MYH1: variants seen among roughly 807,000 people sequenced by gnomAD.
The protein encoded by MYH1 is myosin-1.
In MYH1, 214 loss-of-function variants were observed where a neutral mutation model predicts 225.6. That is an observed-to-expected ratio of 0.95 (90% CI 0.85 to 1.06). The LOEUF is 1.06. Among genes scored for constraint, MYH1 ranks in the 50% least tolerant of loss-of-function variants. MYH1 has a pLI of 0.00. For missense variants in MYH1, 2,098 were observed against 2,344.2 expected (o/e 0.89, Z 2.17); for synonymous variants, 774 against 842.3 (o/e 0.92, Z 1.40).
chr17:10,498,161 C>G (rs2073015659), intron 30 of MYH1, among the ~76,000 whole-genome samples: 1 of 152,222 alleles, frequency 6.6e-6, no homozygotes, highest in Non-Finnish European at 1.5e-5. Context: ...CAAGCATGAG[C>G]TAACACTTTA....
Position 10,503,298 on chromosome 17 carries a change from T to C in MYH1, c.2692-50A>G, listed in dbSNP as rs773716317. The C allele has an allele frequency of 6.3e-6, 10 of 1,587,196 alleles. No individual in the cohort carries two copies. In the East Asian group the frequency reaches 2.0e-4, roughly 32 times the overall value. ...AGATTTTATGAAAATTCCTAGACAT[T>C]TTCAGATTTTATTAATATTTTGAAA... On this transcript the variant is annotated intron_variant, in intron 22 of 39. Transcript: ENST00000226207.
chr17:10,508,509 T>C lies in MYH1; in HGVS notation c.1751A>G (p.His584Arg), dbSNP rs1227247563. 6.2e-7 allele frequency: 1 copy of C among 1,614,152 alleles called. No individual in the cohort carries two copies. Among genetic ancestry groups the C allele is most frequent in the Admixed American group, 1.7e-5 (1 of 60,014 alleles). Reference sequence around the variant, plus strand: ...GTTGTAGTCCACGGTGCCAGCATAGTGAATCAAAGAGAAGTGGGCCTCAGG... The same window carrying C: ...GTTGTAGTCCACGGTGCCAGCATAGCGAATCAAAGAGAAGTGGGCCTCAGG... ...GKPEAHFSLI[H>R]YAGTVDYNIA... is the part of the protein sequence containing the mutation. Residue 584 changes from histidine (H) to arginine (R), a missense_variant, in exon 16 of 40, where the codon CAC (histidine) becomes CGC (arginine). Transcript: ENST00000226207.
chr17:10,508,150 C>T (rs914651282), intron 16 of MYH1, among the ~76,000 whole-genome samples, 194 bp from the exon 17 acceptor site: 1 of 151,854 alleles, frequency 6.6e-6, no homozygotes, highest in African/African-American at 2.4e-5. Context: ...TCCCGAGTAG[C>T]TGGGATTATA....
intron 19 of MYH1, 120 bp from the exon 20 acceptor site, chr17:10,505,631 C>T: frequency 7.3e-7 from 1 of 1,376,240 alleles, no homozygotes; most frequent in Non-Finnish European, 9.8e-7. Flanking sequence ...TCATATCTAC[C>T]CCTTTATCTA....
Position 10,505,084 on chromosome 17 carries a change from T to A in MYH1, c.2436-19A>T. On this transcript the variant is annotated intron_variant, in intron 21 of 39. Coordinates refer to ENST00000226207, the MANE Select transcript of MYH1 (RefSeq NM_005963.4). ...GGACTCTCTGTCATAGGAACAGAAA[T>A]GTCCAAATCAGATTATAATAAGAAG... is the stretch of plus-strand genomic sequence containing the variant. The A allele has an allele frequency of 6.2e-7, 1 of 1,613,320 alleles. No homozygotes were observed. The highest frequency in any genetic ancestry group is 1.1e-5 in the South Asian group (1 of 90,972).
chr17:10,509,770 A>G, intron 14 of MYH1, 115 bp from the exon 15 acceptor site: 1 of 1,552,630 alleles, frequency 6.4e-7, no homozygotes, highest in South Asian at 1.2e-5. Context: ...GTTTTGTCCT[A>G]CCTATACCTA....
Position 10,503,196 on chromosome 17 carries a change from G to A in MYH1, c.2744C>T (p.Thr915Ile), listed in dbSNP as rs754681460. The change falls in exon 23 of 40, where the codon ACC becomes ATC. Residue 915 changes from threonine to isoleucine, a missense_variant. Thr to Ile is a moderately conservative substitution (Grantham distance 89, BLOSUM62 -1). Coordinates refer to ENST00000226207, the MANE Select transcript of MYH1 (RefSeq NM_005963.4). ...AEERCDQLIK[T>I]KIQLEAKIKE... is the part of the protein sequence containing the mutation. ...GATTTTGGCTTCTAGCTGGATTTTGGTTTTGATTAGCTGGTCACACCTTTC... is the reference window on the plus strand; with the variant it reads ...GATTTTGGCTTCTAGCTGGATTTTGATTTTGATTAGCTGGTCACACCTTTC... The A allele has an allele frequency of 4.3e-6, 7 of 1,613,998 alleles. No individual in the cohort carries two copies. The highest frequency in any genetic ancestry group is 1.1e-5 in the South Asian group (1 of 91,078).
rs947251793 is a variant in MYH1, at chr17:10,516,276, T to C, written c.271A>G (p.Met91Val). 3 of 1,613,916 alleles carry C rather than the reference T, an allele frequency of 1.9e-6. No individual in the cohort carries two copies. In the Admixed American group the frequency reaches 5.0e-5, roughly 27 times the overall value. Residue 91 changes from methionine (M) to valine (V), a missense_variant, in exon 4 of 40, where the codon ATG becomes GTG. Transcript: ENST00000226207. ...TCGTGTAGATGAGTCATCATGGCCA[T>C]GTCCTCGATCTTGTCATATTTGGGA... Reference protein sequence around the residue: ...NPPKYDKIEDMAMMTHLHEPA... With the variant: ...NPPKYDKIEDVAMMTHLHEPA...
chr17:10,493,861 T>C (rs1597433076), intron 39 of MYH1, among the ~76,000 whole-genome samples: 1 of 152,192 alleles, frequency 6.6e-6, no homozygotes, highest in Non-Finnish European at 1.5e-5. Context: ...CACTCTCTTA[T>C]CCAAGCCACA....
intron 17 of MYH1, among the ~76,000 whole-genome samples, chr17:10,506,353 A>G (rs879699380): frequency 1.3e-5 from 2 of 152,234 alleles, no homozygotes; most frequent in African/African-American, 2.4e-5. Context: ...TTCCTAGTAT[A>G]TGTTTTAAAT....
At position 10,492,992 on chromosome 17, in the gene MYH1, C is replaced by T. The variant is rs543484838; in HGVS notation, c.5668-424G>A. On this transcript the variant is annotated intron_variant, in intron 39 of 39. Transcript: ENST00000226207. ...GCCATGTGAGTATAAATTATTGCCA[C>T]TTAAGTTTAGAAATTAAGCAAGAAG... is the stretch of plus-strand genomic sequence containing the variant. Among the ~76,000 whole-genome samples, 3 of 152,204 alleles carry T rather than the reference C, an allele frequency of 2.0e-5. No individual in the cohort carries two copies. The East Asian group carries it at 5.8e-4, about 29-fold the overall frequency.
At chr17:10,510,578 A>G (rs1353418467) in intron 14 of MYH1, among the ~76,000 whole-genome samples, 1 of 152,210 alleles carries the variant, frequency 6.6e-6, no homozygotes, top group Non-Finnish European at 1.5e-5. Context: ...ACACCTACAT[A>G]GAAACACAAT....
At chr17:10,509,417 A>G in intron 15 of MYH1, 68 bp downstream of exon 15, 1 of 1,602,866 alleles carries the variant, frequency 6.2e-7, no homozygotes, top group South Asian at 1.1e-5. Flanking sequence ...GCCTATATCA[A>G]GATTTTATGA....
At chr17:10,506,849 G>A (rs532814828) in intron 17 of MYH1, among the ~76,000 whole-genome samples, 12 of 152,234 alleles carry the variant, frequency 7.9e-5, no homozygotes, top group African/African-American at 2.9e-4. Flanking sequence ...TATCAAATGT[G>A]TATTCCTTGC....
At chr17:10,494,892 T>C (rs1351004892) in intron 37 of MYH1, 39 bp downstream of exon 37, 6 of 1,613,930 alleles carry the variant, frequency 3.7e-6, no homozygotes, top group Non-Finnish European at 5.1e-6. Context: ...TGTGTTGGAT[T>C]GGAATGAGAT....
rs2073179801 is a variant in MYH1, at chr17:10,512,395, A to G, written c.1147+13T>C. The G allele has an allele frequency of 6.2e-7, 1 of 1,614,090 alleles. No individual in the cohort carries two copies. The highest frequency in any genetic ancestry group is 1.7e-5 in the Admixed American group (1 of 60,008). ...ATTCTCTCATTAAACCCAGATGGAG[A>G]TTCATTTGGTACCTTCAGTGCCATC... On this transcript the variant is annotated intron_variant, in intron 12 of 39. Coordinates refer to ENST00000226207, the MANE Select transcript of MYH1 (RefSeq NM_005963.4).
rs1239708200 is a variant in MYH1, at chr17:10,516,683, C to G, written c.-40-1G>C. On this transcript the variant is annotated splice_acceptor_variant, in intron 2 of 39. Coordinates refer to ENST00000226207, the MANE Select transcript of MYH1 (RefSeq NM_005963.4). LOFTEE classifies it low-confidence loss of function (5UTR_SPLICE). The stretch of plus-strand genomic sequence containing the variant: ...ATGGTAGCCCAGTTAAGGACCCTGG[C>G]TGGGAGAGGAAGAAAAGAAATTGTA... 1 of 1,606,656 alleles carries G rather than the reference C, an allele frequency of 6.2e-7. No individual in the cohort carries two copies. Among genetic ancestry groups the G allele is most frequent in the Admixed American group, 1.7e-5 (1 of 59,090 alleles).
rs756722508 is a variant in MYH1, at chr17:10,506,108, C to T, written c.1969-9G>A. On this transcript the variant is annotated splice_polypyrimidine_tract_variant and intron_variant, in intron 17 of 39. Coordinates refer to ENST00000226207, the MANE Select transcript of MYH1 (RefSeq NM_005963.4). ...AGCTTATTCAAATTCTCCTGTGGAA[C>T]CATGCGAGTTTATACTTTAAAAAAT... is the stretch of plus-strand genomic sequence containing the variant. The T allele has an allele frequency of 6.2e-7, 1 of 1,614,132 alleles. No homozygotes were observed.
chr17:10,505,947 C>T lies in MYH1; in HGVS notation c.2057-18G>A, dbSNP rs769089879. 1 of 1,614,176 alleles carries T rather than the reference C, an allele frequency of 6.2e-7. No individual in the cohort carries two copies. Among genetic ancestry groups the T allele is most frequent in the African/African-American group, 1.3e-5 (1 of 75,050 alleles). On this transcript the variant is annotated intron_variant, in intron 18 of 39. Coordinates refer to ENST00000226207, the MANE Select transcript of MYH1 (RefSeq NM_005963.4). Reference sequence around the variant, plus strand: ...CATGGCACCTAAAAGAATGAATCCACATGCCATACTTCGTGGTCTATCACA... The same window carrying T: ...CATGGCACCTAAAAGAATGAATCCATATGCCATACTTCGTGGTCTATCACA...
Sources: allele counts gnomAD v4.1 joint callset (sites outside exome capture counted in the v4.1 genomes callset), GRCh38; gene constraint gnomAD v4.1.1; transcripts MANE v1.5; gene names NCBI Gene and HGNC (gene_info 2026-07-23, HGNC 2026-07-21).